The following CCDC85A variants were observed in gnomAD, a reference collection of about 807,000 sequenced individuals.
CCDC85A encodes coiled-coil domain containing 85A.
A neutral mutation model predicts 50.2 loss-of-function variants in CCDC85A; 38 were observed. The observed-to-expected ratio is 0.76, with a 90% CI of 0.58 to 0.99. CCDC85A has a LOEUF of 0.99. Ranked by LOEUF, CCDC85A falls within the 50% of genes least tolerant of loss-of-function variation. The pLI, the probability that CCDC85A is intolerant of heterozygous loss-of-function variation, is 0.00. For missense variants in CCDC85A, 820 were observed against 742.0 expected, an observed-to-expected ratio of 1.11 and a Z score of -1.22; for synonymous variants, 366 against 301.4, an observed-to-expected ratio of 1.21 and a Z score of -2.22.
chr2:56,257,291 G>A (rs145157448), intron 2 of CCDC85A, among the ~76,000 whole-genome samples: 2 of 152,232 alleles, frequency 1.3e-5, no homozygotes, highest in Middle Eastern at 3.4e-3. Context: ...CTGTCACAAT[G>A]GGGCCCAACG....
intron 3 of CCDC85A, among the ~76,000 whole-genome samples, chr2:56,351,229 C>T (rs931388375): frequency 1.3e-5 from 2 of 152,040 alleles, no homozygotes; most frequent in African/African-American, 4.8e-5. Flanking sequence ...ATATATGCCA[C>T]ATTTTCTTAA....
At chr2:56,363,076 G>A (rs934551266) in intron 3 of CCDC85A, among the ~76,000 whole-genome samples, 1 of 152,036 alleles carries the variant, frequency 6.6e-6, no homozygotes, top group African/African-American at 2.4e-5. Context: ...TGTATATATA[G>A]TTTGAATAAA....
chr2:56,232,436 C>T (rs916315931), intron 2 of CCDC85A, among the ~76,000 whole-genome samples: 1 of 152,102 alleles, frequency 6.6e-6, no homozygotes, highest in Admixed American at 6.5e-5. Context: ...TAATAATTCC[C>T]AAGTATCAAG....
intron 2 of CCDC85A, among the ~76,000 whole-genome samples, chr2:56,327,718 T>A (rs1402818576): frequency 1.4e-5 from 2 of 145,726 alleles, no homozygotes; most frequent in Non-Finnish European, 3.0e-5. Flanking sequence ...ATACATGGAA[T>A]AAAATGTCTG....
chr2:56,265,353 G>A (rs1253077147), intron 2 of CCDC85A, among the ~76,000 whole-genome samples: 1 of 152,128 alleles, frequency 6.6e-6, no homozygotes, highest in Admixed American at 6.6e-5. Flanking sequence ...CTGTGCTTAT[G>A]TTTAAAATAT....
chr2:56,339,764 A>G (rs1326313546), intron 2 of CCDC85A, among the ~76,000 whole-genome samples: 1 of 152,200 alleles, frequency 6.6e-6, no homozygotes, highest in Admixed American at 6.5e-5. Flanking sequence ...TCCAGAGGAA[A>G]GAGCAGGGCT....
intron 1 of CCDC85A, among the ~76,000 whole-genome samples, chr2:56,190,687 C>T (rs1242268582): frequency 6.6e-6 from 1 of 152,086 alleles, no homozygotes; most frequent in Non-Finnish European, 1.5e-5. Flanking sequence ...TGAAACACAG[C>T]CTCAGTGTGT....
chr2:56,185,001 G>A, intron 1 of CCDC85A, 101 bp downstream of exon 1: 2 of 1,357,720 alleles, frequency 1.5e-6, no homozygotes, highest in Non-Finnish European at 1.9e-6. Flanking sequence ...CTCAACAGGT[G>A]ACCCTCCCCT....
intron 3 of CCDC85A, among the ~76,000 whole-genome samples, chr2:56,369,373 A>C (rs1440359128): frequency 1.3e-5 from 2 of 152,148 alleles, no homozygotes; most frequent in Non-Finnish European, 2.9e-5. Context: ...AATGTTGCAG[A>C]TGTAGTTGTT....
chr2:56,318,744 T>C (rs1418999254), intron 2 of CCDC85A, among the ~76,000 whole-genome samples: 1 of 152,138 alleles, frequency 6.6e-6, no homozygotes, highest in Non-Finnish European at 1.5e-5. Flanking sequence ...CATAAGGCAT[T>C]CACTTCCCTT....
At chr2:56,346,461 A>G (rs956465429) in intron 3 of CCDC85A, among the ~76,000 whole-genome samples, 1 of 152,218 alleles carries the variant, frequency 6.6e-6, no homozygotes, top group African/African-American at 2.4e-5. Context: ...CCAGTGGTGA[A>G]GAGGAGCCCA....
intron 2 of CCDC85A, among the ~76,000 whole-genome samples, chr2:56,273,743 C>A (rs1670801221): frequency 6.6e-6 from 1 of 151,198 alleles, no homozygotes; most frequent in African/African-American, 2.4e-5. Context: ...AGTCCCAGGA[C>A]AACAGCTGTA....
chr2:56,212,412 A>C (rs1290439707), intron 2 of CCDC85A, among the ~76,000 whole-genome samples: 1 of 147,102 alleles, frequency 6.8e-6, no homozygotes, highest in African/African-American at 2.4e-5. Context: ...ACCCATTCCA[A>C]AATTACTGTT....
intron 2 of CCDC85A, among the ~76,000 whole-genome samples, chr2:56,275,115 G>C (rs1264876453): frequency 6.6e-6 from 1 of 151,920 alleles, no homozygotes; most frequent in Non-Finnish European, 1.5e-5. Context: ...ACTTTTTGTT[G>C]TTGTTAGTGG....
At chr2:56,381,738 G>A (rs748492359) in intron 5 of CCDC85A, among the ~76,000 whole-genome samples, 2 of 151,992 alleles carry the variant, frequency 1.3e-5, no homozygotes, top group Non-Finnish European at 2.9e-5. Context: ...TTCCAGGATT[G>A]TTTCTTTCCC....
At chr2:56,317,325 A>C (rs911425052) in intron 2 of CCDC85A, among the ~76,000 whole-genome samples, 2 of 152,144 alleles carry the variant, frequency 1.3e-5, no homozygotes, top group African/African-American at 2.4e-5. Context: ...TTTACTTTCC[A>C]TATTAAGGAA....
intron 2 of CCDC85A, among the ~76,000 whole-genome samples, chr2:56,329,832 A>G (rs193156496): frequency 1.8e-4 from 27 of 152,136 alleles, no homozygotes; most frequent in Admixed American, 2.6e-4. Context: ...CCAACCATAC[A>G]TGGGCTTTTA....
intron 5 of CCDC85A, among the ~76,000 whole-genome samples, chr2:56,380,574 C>T (rs1676537183): frequency 6.6e-6 from 1 of 150,380 alleles, no homozygotes; most frequent in Non-Finnish European, 1.5e-5. Context: ...AAAAAAACAA[C>T]AACAACAGGA....
chr2:56,349,195 G>A (rs575054007), intron 3 of CCDC85A, among the ~76,000 whole-genome samples: 17 of 152,216 alleles, frequency 1.1e-4, no homozygotes, highest in Admixed American at 5.9e-4. Flanking sequence ...ATCCATTAAG[G>A]ATTGTTTGCT....
Sources: gnomAD v4.1 joint callset for allele counts (sites outside exome capture counted in the v4.1 genomes callset) on GRCh38, gnomAD v4.1.1 for gene constraint, MANE v1.5 for transcripts, NCBI Gene and HGNC (gene_info 2026-07-23, HGNC 2026-07-21) for gene names.